Variants in AKAP13 observed in about 807,000 individuals in gnomAD.
The protein encoded by AKAP13 is A-kinase anchoring protein 13.
In AKAP13, 80 loss-of-function variants were observed where a neutral mutation model predicts 264.5. The observed-to-expected ratio is 0.30, with a 90% CI of 0.25 to 0.36. The LOEUF is 0.36. AKAP13 is among the 10% of genes least tolerant of loss of function. AKAP13 has a pLI of 1.00. For synonymous variants in AKAP13, 1,380 were observed against 1,250.2 expected (o/e 1.10, Z -2.19); for missense variants, 3,712 against 3,435.2 (o/e 1.08, Z -2.01).
intron 1 of AKAP13, among the ~76,000 whole-genome samples, chr15:85,471,388 C>T (rs28590112): frequency 5.9e-5 from 9 of 151,582 alleles, no homozygotes; most frequent in South Asian, 2.1e-4. Flanking sequence ...CCAGCTACTC[C>T]GGAGGCTGAG....
chr15:85,721,873 T>C, intron 23 of AKAP13, 118 bp from the exon 24 acceptor site: 1 of 1,484,184 alleles, frequency 6.7e-7, no homozygotes, highest in Admixed American at 2.3e-5. Context: ...TTTCATTCTT[T>C]TGGGAGAATT....
intron 1 of AKAP13, among the ~76,000 whole-genome samples, chr15:85,465,155 TGTTA>T (rs2074681291): frequency 6.8e-6 from 1 of 147,054 alleles, no homozygotes; most frequent in African/African-American, 2.6e-5. Context: ...GGGTTTCATG[TGTTA>T]GCCAGGATGG....
At chr15:85,426,954 TG>T (rs1325829761) in intron 1 of AKAP13, among the ~76,000 whole-genome samples, 3 of 125,460 alleles carry the variant, frequency 2.4e-5, no homozygotes, top group Non-Finnish European at 5.0e-5. Flanking sequence ...TGTTTTGTTT[TG>T]TTTTTTTTTT....
chr15:85,410,212 TC>T (rs1391940318), intron 1 of AKAP13, among the ~76,000 whole-genome samples: 1 of 151,520 alleles, frequency 6.6e-6, no homozygotes, highest in African/African-American at 2.4e-5. Flanking sequence ...GACCATGACT[TC>T]CCCGGGCTGG....
rs1440049780 is a variant in AKAP13, at chr15:85,566,994, T to C, written c.663-8137T>C. On this transcript the variant is annotated intron_variant, in intron 5 of 36. Coordinates refer to ENST00000394518, the MANE Select transcript of AKAP13 (RefSeq NM_007200.5). ...AGTAAGGCAAGTAATCATAGTATAT[T>C]ACTTAGATCACCTGTGTACAACATT... is the stretch of plus-strand genomic sequence containing the variant. Among the ~76,000 whole-genome samples, 79 of 152,182 alleles carry C rather than the reference T, an allele frequency of 5.2e-4. 1 individual carries two copies.
chr15:85,645,319 A>T (rs1259383005), intron 9 of AKAP13, among the ~76,000 whole-genome samples: 1 of 152,220 alleles, frequency 6.6e-6, no homozygotes, highest in Non-Finnish European at 1.5e-5. Flanking sequence ...ACTTTGGCAT[A>T]TTATGCCCCC....
intron 1 of AKAP13, among the ~76,000 whole-genome samples, chr15:85,443,014 C>T (rs2073764921): frequency 6.6e-6 from 1 of 152,018 alleles, no homozygotes; most frequent in African/African-American, 2.4e-5. Context: ...AATAATTTGC[C>T]CAGTGTCACT....
chr15:85,555,516 G>C (rs1422810978), intron 5 of AKAP13: 1 of 1,223,966 alleles, frequency 8.2e-7, no homozygotes, highest in Non-Finnish European at 1.1e-6. Flanking sequence ...CCAGACCAAT[G>C]CTTTGTTAAT....
At chr15:85,427,781 C>G (rs2072862398) in intron 1 of AKAP13, among the ~76,000 whole-genome samples, 1 of 152,088 alleles carries the variant, frequency 6.6e-6, no homozygotes, top group Non-Finnish European at 1.5e-5. Context: ...TTTAGTTGAC[C>G]ATAATAAGCT....
chr15:85,486,009 T>C (rs532960150), intron 2 of AKAP13, among the ~76,000 whole-genome samples: 4 of 152,382 alleles, frequency 2.6e-5, no homozygotes, highest in African/African-American at 9.6e-5. Context: ...TATGCATGTA[T>C]GAAACAAATT....
chr15:85,460,342 A>G (rs1334209845), intron 1 of AKAP13, among the ~76,000 whole-genome samples: 1 of 152,176 alleles, frequency 6.6e-6, no homozygotes, highest in Non-Finnish European at 1.5e-5. Flanking sequence ...ACAGCCCCCG[A>G]TACAGCTCGC....
In AKAP13 at chr15:85,745,467, C is replaced by T. The variant is rs1281715345; in HGVS notation, c.*790C>T. On this transcript the variant is annotated 3_prime_UTR_variant, in exon 37 of 37. Coordinates refer to ENST00000394518, the MANE Select transcript of AKAP13 (RefSeq NM_007200.5). ...CTGTCATCAGATCCAGAAGAAATAT[C>T]CTGGTTTTCCAGCATGTTTACCCAC... 6.6e-6 allele frequency: 1 copy of T among 152,124 alleles called. No homozygotes were observed. Among genetic ancestry groups the T allele is most frequent in the Non-Finnish European group, 1.5e-5 (1 of 68,024 alleles). The allele number at this position is 152,124 out of a possible 1,614,324, so 9.4% of individuals were successfully genotyped here.
intron 8 of AKAP13, among the ~76,000 whole-genome samples, chr15:85,615,178 A>C (rs890053380): frequency 1.3e-5 from 2 of 152,202 alleles, no homozygotes; most frequent in African/African-American, 4.8e-5. Context: ...TATTATTGTC[A>C]GTTAGCTGCT....
chr15:85,642,321 A>T (rs1018085453), intron 9 of AKAP13, among the ~76,000 whole-genome samples: 20 of 152,176 alleles, frequency 1.3e-4, no homozygotes, highest in African/African-American at 4.6e-4. Flanking sequence ...CTTGCCTGGA[A>T]TTTTTCTTCT....
chr15:85,581,990 A>G lies in AKAP13; in HGVS notation c.3922A>G (p.Ser1308Gly), dbSNP rs1596595209. The G allele has an allele frequency of 6.2e-7, 1 of 1,614,122 alleles. No homozygotes were observed. Among genetic ancestry groups the G allele is most frequent in the Non-Finnish European group, 8.5e-7 (1 of 1,180,012 alleles). ...EKVSTFPPGE[S>G]LPMGSTPEEA... is the part of the protein sequence containing the mutation. ...AGTGAGTACTTTCCCACCTGGGGAG[A>G]GCCTACCAATGGGCAGTACTCCTGA... Residue 1308 changes from serine (S) to glycine (G), a missense_variant, in exon 7 of 37, where the codon AGC becomes GGC. Transcript: ENST00000394518.
intron 2 of AKAP13, among the ~76,000 whole-genome samples, chr15:85,505,599 A>T (rs1290311214): frequency 6.6e-6 from 1 of 152,324 alleles, no homozygotes; most frequent in South Asian, 2.1e-4. Flanking sequence ...CAGTGAAGTC[A>T]ACCTAAGTCT....
chr15:85,620,126 G>A (rs762232147), intron 8 of AKAP13: 2 of 1,536,134 alleles, frequency 1.3e-6, no homozygotes, highest in South Asian at 2.4e-5. Flanking sequence ...TACAGCCTCT[G>A]TGACATCTCC....
At chr15:85,479,226 C>CA (rs2151040606) in intron 1 of AKAP13, among the ~76,000 whole-genome samples, 1 of 152,344 alleles carries the variant, frequency 6.6e-6, no homozygotes, top group East Asian at 1.9e-4. Flanking sequence ...CCAGCCTCCC[C>CA]AACCAGGGCA....
chr15:85,646,768 T>C, intron 10 of AKAP13, among the ~76,000 whole-genome samples: 1 of 152,184 alleles, frequency 6.6e-6, no homozygotes, highest in Non-Finnish European at 1.5e-5. Context: ...TCCACATGAA[T>C]CAGCTCACAT....
Sources: gnomAD v4.1 joint callset for allele counts (sites outside exome capture counted in the v4.1 genomes callset) on GRCh38, gnomAD v4.1.1 for gene constraint, MANE v1.5 for transcripts, NCBI Gene and HGNC (gene_info 2026-07-23, HGNC 2026-07-21) for gene names.